The following VIT variants were observed in gnomAD, a reference collection of about 807,000 sequenced individuals.
VIT encodes the protein vitrin.
Under a neutral mutation model 78.0 loss-of-function variants are expected in VIT, and 99 were observed. The ratio of observed to expected loss-of-function variants is 1.27; its 90% CI spans 1.08 to 1.50. The LOEUF is 1.50. VIT is among the 40% of genes most tolerant of loss of function. VIT has a pLI of 0.00. For synonymous variants in VIT, 374 were observed against 334.3 expected (o/e 1.12, Z -1.29); for missense variants, 1,126 against 875.3 (o/e 1.29, Z -3.61).
intron 7 of VIT, among the ~76,000 whole-genome samples, chr2:36,771,914 G>A (rs1001938091): frequency 1.3e-5 from 2 of 152,212 alleles, no homozygotes; most frequent in Non-Finnish European, 2.9e-5. Context: ...AAACAGCATG[G>A]GAACCAATCT....
intron 6 of VIT, among the ~76,000 whole-genome samples, chr2:36,760,421 A>G (rs992755258): frequency 5.9e-5 from 9 of 152,126 alleles, no homozygotes; most frequent in Admixed American, 5.2e-4. Flanking sequence ...TCTATCTTTA[A>G]TTACTTTTTA....
At chr2:36,715,245 G>C (rs1367097927) in intron 1 of VIT, among the ~76,000 whole-genome samples, 1 of 152,048 alleles carries the variant, frequency 6.6e-6, no homozygotes, top group Non-Finnish European at 1.5e-5. Context: ...AACACATTAA[G>C]ATTTAAGAAG....
intron 8 of VIT, 60 bp from the exon 9 acceptor site, chr2:36,774,942 A>G: frequency 6.3e-7 from 1 of 1,594,900 alleles, no homozygotes; most frequent in South Asian, 1.1e-5. Context: ...GGGCAAAATA[A>G]GGAAAGAAAG....
At chr2:36,788,640 T>C (rs1409571645) in intron 12 of VIT, among the ~76,000 whole-genome samples, 2 of 152,212 alleles carry the variant, frequency 1.3e-5, no homozygotes, top group Non-Finnish European at 2.9e-5. Flanking sequence ...ATGCCAACCC[T>C]TTTTCATTCC....
At chr2:36,783,062 G>A (rs879614) in intron 10 of VIT, among the ~76,000 whole-genome samples, 101,061 of 152,142 alleles carry the variant, frequency 0.66, 33,844 homozygotes, top group East Asian at 0.8. Context: ...GCTTTCAGAT[G>A]ACAAAACTAA....
chr2:36,705,600 A>C (rs1356450016), intron 1 of VIT, among the ~76,000 whole-genome samples: 6 of 152,194 alleles, frequency 3.9e-5, no homozygotes. Flanking sequence ...TACATGGATG[A>C]GGTCTTAAAC....
rs777538864 is a variant in VIT, at chr2:36,808,642, T to C, written c.1560T>C (p.Ser520=). The C allele has an allele frequency of 1.9e-6, 3 of 1,614,190 alleles. No homozygotes were observed. The highest frequency in any genetic ancestry group is 2.5e-6 in the Non-Finnish European group (3 of 1,180,024). ...GCTTCGTCATCGACGGCTCCAGCAGTGTGGGGACGGGCAACTTCCGCACCG... is the reference window on the plus strand; with the variant it reads ...GCTTCGTCATCGACGGCTCCAGCAGCGTGGGGACGGGCAACTTCCGCACCG... ...DIGFVIDGSS[S]VGTGNFRTVL... The change falls in exon 15 of 16, where the codon AGT becomes AGC. Residue 520 remains serine (S), a synonymous_variant. Transcript: ENST00000379242.
chr2:36,758,431 T>C (rs1041795088), intron 5 of VIT, among the ~76,000 whole-genome samples: 1 of 152,180 alleles, frequency 6.6e-6, no homozygotes, highest in Non-Finnish European at 1.5e-5. Context: ...ACGTTACCAT[T>C]CCTCTTCCTT....
At chr2:36,760,013 T>TG (rs11419383) in intron 6 of VIT, among the ~76,000 whole-genome samples, 136,069 of 150,156 alleles carry the variant, frequency 0.91, 63,183 homozygotes, top group East Asian at 1. Flanking sequence ...TTTCTTTTTT[T>TG]GAGACGGAGT....
intron 14 of VIT, among the ~76,000 whole-genome samples, chr2:36,806,818 C>A (rs1019297448): frequency 1.3e-5 from 2 of 152,210 alleles, no homozygotes; most frequent in African/African-American, 4.8e-5. Context: ...CCGCTTCAGC[C>A]TCCCAAAGTG....
chr2:36,741,420 C>T (rs181289157), intron 3 of VIT, among the ~76,000 whole-genome samples: 1 of 152,300 alleles, frequency 6.6e-6, no homozygotes, highest in African/African-American at 2.4e-5. Flanking sequence ...TGTGATCAAA[C>T]TCAACCCCTC....
intron 5 of VIT, among the ~76,000 whole-genome samples, chr2:36,758,657 C>T (rs1392706065): frequency 1.3e-5 from 2 of 152,164 alleles, no homozygotes; most frequent in African/African-American, 4.8e-5. Flanking sequence ...ATTAAACATT[C>T]GAAGCCACAC....
chr2:36,755,117 T>C, intron 5 of VIT, 63 bp downstream of exon 5: 2 of 1,507,590 alleles, frequency 1.3e-6, no homozygotes, highest in South Asian at 1.4e-5. Context: ...GCTCTTTTCA[T>C]TGTGCTGTTG....
chr2:36,787,911 C>T (rs1454183430), intron 12 of VIT: 1 of 434,440 alleles, frequency 2.3e-6, no homozygotes, highest in African/African-American at 2.1e-5. Context: ...TATTATTATA[C>T]TTAGGATAGA....
chr2:36,802,720 C>A (rs572120615), intron 13 of VIT, among the ~76,000 whole-genome samples: 1 of 152,168 alleles, frequency 6.6e-6, no homozygotes, highest in Non-Finnish European at 1.5e-5. Flanking sequence ...ACGAGGTTAG[C>A]GATGGGTCTC....
At chr2:36,759,401 C>G in intron 6 of VIT, 1 of 1,361,594 alleles carries the variant, frequency 7.3e-7, no homozygotes, top group Non-Finnish European at 9.5e-7. Context: ...GCTGTATCTA[C>G]TTAGATATGA....
At chr2:36,717,385 TG>T in intron 2 of VIT, among the ~76,000 whole-genome samples, 1 of 140,084 alleles carries the variant, frequency 7.1e-6, no homozygotes, top group Non-Finnish European at 1.5e-5. Flanking sequence ...TGTGTGTGTG[TG>T]TGTGTGTGTT....
intron 4 of VIT, among the ~76,000 whole-genome samples, chr2:36,750,718 G>A (rs1411946560): frequency 6.6e-6 from 1 of 151,792 alleles, no homozygotes; most frequent in African/African-American, 2.4e-5. Flanking sequence ...CTACTCGGGA[G>A]GCTGAGGCAG....
intron 7 of VIT, among the ~76,000 whole-genome samples, 162 bp from the exon 8 acceptor site, chr2:36,773,629 G>A (rs1669883148): frequency 6.6e-6 from 1 of 152,190 alleles, no homozygotes; most frequent in Admixed American, 6.5e-5. Context: ...TACTCGGGAG[G>A]CTGAGGTGGG....
Sources: gnomAD v4.1 joint callset for allele counts (sites outside exome capture counted in the v4.1 genomes callset) on GRCh38, gnomAD v4.1.1 for gene constraint, MANE v1.5 for transcripts, NCBI Gene and HGNC (gene_info 2026-07-23, HGNC 2026-07-21) for gene names.